The following VARS1 variants were observed in gnomAD, a reference collection of about 807,000 sequenced individuals.
The protein encoded by VARS1 is valine--tRNA ligase.
A neutral mutation model predicts 161.0 loss-of-function variants in VARS1; 92 were observed. That is an observed-to-expected ratio of 0.57 (90% CI 0.48 to 0.68). The LOEUF is 0.68. VARS1 is among the 30% of genes least tolerant of loss of function. The pLI is 0.00. For synonymous variants in VARS1, 595 were observed against 682.5 expected, an observed-to-expected ratio of 0.87 and a Z score of 2.00; for missense variants, 1,338 against 1,695.9, an observed-to-expected ratio of 0.79 and a Z score of 3.71.
chr6:31,783,203 A>G lies in VARS1; in HGVS notation c.1672-17T>C, dbSNP rs1470673690. 5.0e-6 allele frequency: 8 copies of G among 1,610,898 alleles called. No homozygotes were observed. Among genetic ancestry groups the G allele is most frequent in the Non-Finnish European group, 6.8e-6 (8 of 1,179,050 alleles). ...CTTCAGGTGCTGGGGGCGGAAAGAT[A>G]CCAAAAACGCATGAAGCAGGGCCAG... On this transcript the variant is annotated splice_polypyrimidine_tract_variant and intron_variant, in intron 13 of 29. Transcript: ENST00000375663.
rs1266440450 is a variant in VARS1, at chr6:31,792,349, A to G, written c.786+43T>C. On this transcript the variant is annotated intron_variant, in intron 5 of 29. Coordinates refer to ENST00000375663, the MANE Select transcript of VARS1 (RefSeq NM_006295.3). ...AGGCCCAGGCATCAGCCAACCCATC[A>G]CCGCACACATCAACTTTCCTTCCAG... 1.9e-6 allele frequency: 3 copies of G among 1,613,604 alleles called. No individual in the cohort carries two copies. The African/African-American group carries it at 4.0e-5, about 22-fold the overall frequency.
At chr6:31,793,418 A>G (rs1196947933) in intron 2 of VARS1, among the ~76,000 whole-genome samples, 1 of 151,950 alleles carries the variant, frequency 6.6e-6, no homozygotes, top group Non-Finnish European at 1.5e-5. Flanking sequence ...AGGCAGGAGA[A>G]TGGCATGAAC....
Position 31,784,649 on chromosome 6 carries a change from A to G in VARS1, c.1413T>C (p.Ser471=), listed in dbSNP as rs143269038. The G allele has an allele frequency of 4.3e-4, 686 of 1,613,100 alleles. 3 individuals carry two copies. The Middle Eastern group carries it at 4.9e-3, about 12-fold the overall frequency. The change falls in exon 11 of 30, where the codon AGT becomes AGC. Residue 471 remains serine (S), a synonymous_variant. Transcript: ENST00000375663. This position sits in a 1 kb window ranked among gnomAD's most constrained non-coding sequence, Gnocchi z 6.1. Reference sequence around the variant, plus strand: ...TGCAGGACCAGTTAACAAGGCGGGTACTGCGATAGATGATGCCTTCCTCGT... The same window carrying G: ...TGCAGGACCAGTTAACAAGGCGGGTGCTGCGATAGATGATGCCTTCCTCGT... ...RLHEEGIIYR[S]TRLVNWSCTL...
chr6:31,793,108 C>A lies in VARS1; in HGVS notation c.400G>T (p.Ala134Ser), dbSNP rs527579646. 8 of 1,594,646 alleles carry A rather than the reference C, an allele frequency of 5.0e-6. No homozygotes were observed. In the Admixed American group the frequency reaches 7.6e-5, roughly 15 times the overall value. The change falls in exon 3 of 30, where the codon GCC becomes TCC. Residue 134 changes from alanine (A) to serine (S), a missense_variant. This residue lies in a region of VARS1 where 902 missense variants were observed against 1,090.3 expected (regional missense o/e 0.83). Coordinates refer to ENST00000375663, the MANE Select transcript of VARS1 (RefSeq NM_006295.3). ...AAGGGGCTCAGGGCCCTGCCCAGGG[C>A]CCCCAGCACAGCCTGGCAGGAAGGG... ...SAQDPQAVLG[A>S]LGRALSPLEE...
rs3130491 is a variant in VARS1, at chr6:31,777,687, G to A, written c.3727-25C>T. ...GCTGGAGTGGAACCAGGGGGTGGGT[G>A]AGGACCCAGGTCCAAGTGAAGAGAC... On this transcript the variant is annotated intron_variant, in intron 29 of 29. Coordinates refer to ENST00000375663, the MANE Select transcript of VARS1 (RefSeq NM_006295.3). The surrounding 1 kb of genome is among the most constrained non-coding windows in gnomAD (Gnocchi z 5.8). The A allele has an allele frequency of 0.095, 152,876 of 1,608,630 alleles. 9,456 individuals are homozygous for A. The highest frequency in any genetic ancestry group is 0.12 in the Non-Finnish European group (139,153 of 1,177,386).
At position 31,791,037 on chromosome 6, in the gene VARS1, G is replaced by C. The variant is rs1813832444; in HGVS notation, c.1100+573C>G. On this transcript the variant is annotated intron_variant, in intron 8 of 29. Transcript: ENST00000375663. The surrounding 1 kb of genome is among the most constrained non-coding windows in gnomAD (Gnocchi z 5.0). The stretch of plus-strand genomic sequence containing the variant: ...GTGGTGGCGCATTCCTGTAATCCCA[G>C]CTACTTGGGAGGCTGAGGCAGGAGA... Among the ~76,000 whole-genome samples, 1 of 152,106 alleles carries C rather than the reference G, an allele frequency of 6.6e-6. No homozygotes were observed. The highest frequency in any genetic ancestry group is 1.5e-5 in the Non-Finnish European group (1 of 68,026).
In VARS1 at chr6:31,779,725, C is replaced by T. The variant is rs1190832808; in HGVS notation, c.3171G>A (p.Leu1057=). The part of the protein sequence containing the change: ...QTLYTCLDVG[L]RLLSPFMPFV... ...AGGGCATGAAGGGTGAGAGCAGCCG[C>T]AGGCCAACGTCCAGGCAAGTGTACA... The change falls in exon 27 of 30, where the codon CTG becomes CTA. Residue 1057 remains leucine (L), a synonymous_variant. Transcript: ENST00000375663. The surrounding 1 kb of genome is among the most constrained non-coding windows in gnomAD (Gnocchi z 9.1). 6.2e-7 allele frequency: 1 copy of T among 1,613,028 alleles called. No individual in the cohort carries two copies. The highest frequency in any genetic ancestry group is 1.3e-5 in the African/African-American group (1 of 75,038).
intron 8 of VARS1, among the ~76,000 whole-genome samples, chr6:31,789,278 C>T (rs944998029): frequency 7.3e-5 from 11 of 151,556 alleles, no homozygotes; most frequent in African/African-American, 2.2e-4. Flanking sequence ...AGAAAAAGAA[C>T]GAAGAATCAA....
intron 8 of VARS1, among the ~76,000 whole-genome samples, chr6:31,788,977 A>G (rs996914546): frequency 6.6e-5 from 10 of 152,108 alleles, no homozygotes; most frequent in Non-Finnish European, 1.2e-4. Context: ...AATTTAGTAC[A>G]TAAGACACCA....
In VARS1 at chr6:31,778,077, A is replaced by C; in HGVS notation, c.3727-415T>G. 4.7e-6 allele frequency: 1 copy of C among 212,906 alleles called. No individual in the cohort carries two copies. Among genetic ancestry groups the C allele is most frequent in the Non-Finnish European group, 9.5e-6 (1 of 105,084 alleles). The allele number at this position is 212,906 out of a possible 1,614,324, so 13.2% of individuals were successfully genotyped here. ...CAAGGCTCTCTAGCTCTTGGCCTCC[A>C]TGACTGGTTTTCTCTGTGTCTGTGC... On this transcript the variant is annotated intron_variant, in intron 29 of 29. Transcript: ENST00000375663. This position sits in a 1 kb window ranked among gnomAD's most constrained non-coding sequence, Gnocchi z 5.1.
intron 13 of VARS1, among the ~76,000 whole-genome samples, chr6:31,783,666 T>G (rs1040649918): frequency 1.4e-5 from 2 of 143,418 alleles, no homozygotes; most frequent in African/African-American, 2.6e-5. Context: ...CTATTTAACT[T>G]TTTTTTTTTT....
chr6:31,781,181 G>A lies in VARS1; in HGVS notation c.2545-58C>T, dbSNP rs1419012736. 2 of 1,577,442 alleles carry A rather than the reference G, an allele frequency of 1.3e-6. No individual in the cohort carries two copies. Among genetic ancestry groups the A allele is most frequent in the African/African-American group, 2.7e-5 (2 of 74,296 alleles). ...AGTCCTCTCCTTCCCCGGCCTCAGT[G>A]CCCCGACCAGGACTGTGTCTGGTCT... On this transcript the variant is annotated intron_variant, in intron 21 of 29. Coordinates refer to ENST00000375663, the MANE Select transcript of VARS1 (RefSeq NM_006295.3). The surrounding 1 kb of genome is among the most constrained non-coding windows in gnomAD (Gnocchi z 6.8).
Position 31,791,632 on chromosome 6 carries a change from T to G in VARS1, c.1078A>C (p.Ile360Leu). 6.2e-7 allele frequency: 1 copy of G among 1,612,382 alleles called. No individual in the cohort carries two copies. The highest frequency in any genetic ancestry group is 8.5e-7 in the Non-Finnish European group (1 of 1,179,644). The stretch of plus-strand genomic sequence containing the variant: ...CACCATCGAGTCAGGGAGTCCTGGA[T>G]GGCGTTGGTGAGTGCATGGCCCAGG... The part of the protein sequence containing the change: ...LHLGHALTNA[I>L]QDSLTRWHRM... The change falls in exon 8 of 30, where the codon ATC (isoleucine) becomes CTC (leucine). Residue 360 changes from isoleucine (I) to leucine (L), a missense_variant. Coordinates refer to ENST00000375663, the MANE Select transcript of VARS1 (RefSeq NM_006295.3). The surrounding 1 kb of genome is among the most constrained non-coding windows in gnomAD (Gnocchi z 5.0).
intron 3 of VARS1, 30 bp from the exon 4 acceptor site, chr6:31,792,925 G>C: frequency 6.2e-7 from 1 of 1,614,226 alleles, no homozygotes; most frequent in Non-Finnish European, 8.5e-7. Context: ...ACTCTTCTCA[G>C]TCACCCTACA....
chr6:31,795,037 C>G lies in VARS1; in HGVS notation c.181G>C (p.Glu61Gln), dbSNP rs746631390. 1 of 1,561,602 alleles carries G rather than the reference C, an allele frequency of 6.4e-7. No homozygotes were observed. Among genetic ancestry groups the G allele is most frequent in the South Asian group, 1.1e-5 (1 of 88,538 alleles). Residue 61 changes from glutamate (E) to glutamine (Q), a missense_variant, in exon 2 of 30, where the codon GAG (glutamate) becomes CAG (glutamine). Physicochemically the swap from Glu to Gln is conservative, Grantham distance 29 (BLOSUM62 2). Around this residue, in one of 3 missense-constraint regions of VARS1, gnomAD observed 902 missense variants for 1,090.3 expected, o/e 0.83. Transcript: ENST00000375663. This position sits in a 1 kb window ranked among gnomAD's most constrained non-coding sequence, Gnocchi z 6.9. Reference sequence around the variant, plus strand: ...ACCCAGAGCCCACCGGGCCCCTGCTCCAGGGCCGGCAGGCGGGGTGGGGGA... The same window carrying G: ...ACCCAGAGCCCACCGGGCCCCTGCTGCAGGGCCGGCAGGCGGGGTGGGGGA... ...PFPPPRLPAL[E>Q]QGPGGLWVWG... is the part of the protein sequence containing the mutation.
rs1249668679 is a variant in VARS1, at chr6:31,781,132, C to T, written c.2545-9G>A. On this transcript the variant is annotated splice_polypyrimidine_tract_variant and intron_variant, in intron 21 of 29. Transcript: ENST00000375663. This position sits in a 1 kb window ranked among gnomAD's most constrained non-coding sequence, Gnocchi z 6.8. The stretch of plus-strand genomic sequence containing the variant: ...ATGGCATGGAGGTAGACCTGCAGAG[C>T]AGGTGGGGAGGCCCATGAGACTCAG... 3.7e-6 allele frequency: 6 copies of T among 1,612,560 alleles called. No homozygotes were observed. Among genetic ancestry groups the T allele is most frequent in the Non-Finnish European group, 5.1e-6 (6 of 1,179,970 alleles).
In VARS1 at chr6:31,779,423, A is replaced by G; in HGVS notation, c.3400+2T>C. ...GGGCGGACATGGGGGCCTGAGGCTC[A>G]CAGTCAGGCCGGATCCGGGTGAGGT... is the stretch of plus-strand genomic sequence containing the variant. On this transcript the variant is annotated splice_donor_variant, in intron 28 of 29. Coordinates refer to ENST00000375663, the MANE Select transcript of VARS1 (RefSeq NM_006295.3). LOFTEE classifies it high-confidence loss of function. This position sits in a 1 kb window ranked among gnomAD's most constrained non-coding sequence, Gnocchi z 9.1. The G allele has an allele frequency of 6.2e-7, 1 of 1,611,186 alleles. No homozygotes were observed.
chr6:31,780,443 G>A lies in VARS1; in HGVS notation c.2923C>T (p.Gln975Ter). 6.2e-7 allele frequency: 1 copy of A among 1,612,694 alleles called. No homozygotes were observed. Among genetic ancestry groups the A allele is most frequent in the Non-Finnish European group, 8.5e-7 (1 of 1,179,318 alleles). Reference sequence around the variant, plus strand: ...TTTGCTGCCCACCAGGCCCTTACCTGGGAGGTGGGTGAGGGCACAAAACCC... The same window carrying A: ...TTTGCTGCCCACCAGGCCCTTACCTAGGAGGTGGGTGAGGGCACAAAACCC... ...GKGFVPSPTS[Q>*]PGGHESLVDR... The change falls in exon 25 of 30, where the codon CAG (glutamine) becomes TAG (stop). Residue 975 changes from glutamine (Q) to a stop codon, truncating the protein, a stop_gained and splice_region_variant. Coordinates refer to ENST00000375663, the MANE Select transcript of VARS1 (RefSeq NM_006295.3). LOFTEE classifies it high-confidence loss of function. This position sits in a 1 kb window ranked among gnomAD's most constrained non-coding sequence, Gnocchi z 5.1.
In VARS1 at chr6:31,780,908, G is replaced by A. The variant is rs192239028; in HGVS notation, c.2680C>T (p.Leu894=). Residue 894 remains leucine, a synonymous_variant, in exon 23 of 30, where the codon CTG becomes TTG. Coordinates refer to ENST00000375663, the MANE Select transcript of VARS1 (RefSeq NM_006295.3). The surrounding 1 kb of genome is among the most constrained non-coding windows in gnomAD (Gnocchi z 5.1). ...GLHNQLLNSN[L]DPSEVEKAKE... ...GCCTTCTCCACCTCGCTGGGATCCAGGTTGCTGTTCAGCAGCTGGTTGTGG... is the reference window on the plus strand; with the variant it reads ...GCCTTCTCCACCTCGCTGGGATCCAAGTTGCTGTTCAGCAGCTGGTTGTGG... 1 of 1,614,182 alleles carries A rather than the reference G, an allele frequency of 6.2e-7. No homozygotes were observed. The highest frequency in any genetic ancestry group is 8.5e-7 in the Non-Finnish European group (1 of 1,180,028).
Sources: gnomAD v4.1 joint callset for allele counts (sites outside exome capture counted in the v4.1 genomes callset) on GRCh38, gnomAD v4.1.1 for gene constraint, gnomAD v4.1.1 regional missense constraint, Gnocchi (gnomAD v3.1) non-coding constraint, MANE v1.5 for transcripts, NCBI Gene and HGNC (gene_info 2026-07-23, HGNC 2026-07-21) for gene names.